GLI3: variants seen among roughly 807,000 people sequenced by gnomAD.
The protein encoded by GLI3 is GLI family zinc finger 3.
A neutral mutation model predicts 100.8 loss-of-function variants in GLI3; 20 were observed. That is an observed-to-expected ratio of 0.20 (90% CI 0.14 to 0.29). The LOEUF is 0.29. Among genes scored for constraint, GLI3 ranks in the 10% least tolerant of loss-of-function variants. The pLI, the probability that GLI3 is intolerant of heterozygous loss-of-function variation, is 1.00. For missense variants in GLI3, 2,040 were observed against 2,128.5 expected (o/e 0.96, Z 0.82); for synonymous variants, 938 against 860.5 (o/e 1.09, Z -1.58).
chr7:42,059,242 C>G (rs577221195), intron 4 of GLI3, among the ~76,000 whole-genome samples: 1 of 151,896 alleles, frequency 6.6e-6, no homozygotes, highest in Non-Finnish European at 1.5e-5. Context: ...ATTATTTTAG[C>G]AGACTTTTTT....
At chr7:42,173,704 G>C (rs1318990239) in intron 2 of GLI3, among the ~76,000 whole-genome samples, 2 of 152,090 alleles carry the variant, frequency 1.3e-5, no homozygotes, top group Non-Finnish European at 2.9e-5. Context: ...AGAACTCTTT[G>C]GGAACATGAT....
chr7:42,137,821 T>C (rs889291326), intron 3 of GLI3, among the ~76,000 whole-genome samples: 40 of 152,322 alleles, frequency 2.6e-4, no homozygotes, highest in Middle Eastern at 3.4e-3. Context: ...CATAAAATTG[T>C]TTTAAAATAC....
At chr7:42,034,606 C>T (rs1789385582) in intron 7 of GLI3, among the ~76,000 whole-genome samples, 1 of 152,128 alleles carries the variant, frequency 6.6e-6, no homozygotes, top group South Asian at 2.1e-4. Context: ...CAATGCCTTA[C>T]TCCTCCCACC....
At chr7:42,162,705 T>A (rs1184853266) in intron 2 of GLI3, among the ~76,000 whole-genome samples, 2 of 152,256 alleles carry the variant, frequency 1.3e-5, no homozygotes, top group Admixed American at 1.3e-4. Flanking sequence ...AATAAAAATC[T>A]TAGTATGGAC....
intron 2 of GLI3, among the ~76,000 whole-genome samples, chr7:42,179,562 T>C (rs1787549733): frequency 6.6e-6 from 1 of 152,130 alleles, no homozygotes; most frequent in Admixed American, 6.5e-5. Flanking sequence ...AACTGAGGGC[T>C]GTTGGTGCAA....
intron 3 of GLI3, among the ~76,000 whole-genome samples, chr7:42,133,934 T>C (rs1046790876): frequency 6.6e-6 from 1 of 151,756 alleles, no homozygotes; most frequent in Non-Finnish European, 1.5e-5. Flanking sequence ...ATACAAAAAT[T>C]AGCCGGCGTG....
At chr7:42,226,682 C>T (rs1788587883) in intron 1 of GLI3, among the ~76,000 whole-genome samples, 1 of 152,160 alleles carries the variant, frequency 6.6e-6, no homozygotes, top group Admixed American at 6.5e-5. Flanking sequence ...TGGAACTGGG[C>T]TATAAAGATG....
chr7:42,081,168 T>G (rs1423711670), intron 3 of GLI3, among the ~76,000 whole-genome samples: 1 of 152,094 alleles, frequency 6.6e-6, no homozygotes, highest in Admixed American at 6.5e-5. Flanking sequence ...GTCAGCAAAC[T>G]AACGGGCTAA....
intron 2 of GLI3, among the ~76,000 whole-genome samples, chr7:42,203,317 A>T (rs768497272): frequency 1.9e-4 from 29 of 152,312 alleles, no homozygotes; most frequent in Middle Eastern, 6.8e-3. Flanking sequence ...CATGCCGTAC[A>T]ATAGCTCTGT....
intron 4 of GLI3, among the ~76,000 whole-genome samples, chr7:42,072,241 C>T (rs751738212): frequency 6.6e-6 from 1 of 152,160 alleles, no homozygotes; most frequent in Non-Finnish European, 1.5e-5. Context: ...AAATGAATTG[C>T]AGATCTCAGT....
Position 41,965,344 on chromosome 7 carries a change from G to C in GLI3, c.3729C>G (p.Ala1243=), listed in dbSNP as rs761009663. Residue 1243 remains alanine, a synonymous_variant, in exon 15 of 15, where the codon GCC becomes GCG. Coordinates refer to ENST00000395925, the MANE Select transcript of GLI3 (RefSeq NM_000168.6). ...NSPGSGTSGN[A]FHEQPCKAPQ... ...GGGCCTTACAGGGCTGTTCATGGAA[G>C]GCGTTTCCACTGGTGCCACTTCCGG... 3 of 1,613,716 alleles carry C rather than the reference G, an allele frequency of 1.9e-6. No homozygotes were observed. The South Asian group carries it at 3.3e-5, about 18-fold the overall frequency.
chr7:42,242,208 T>C (rs534498558), upstream of GLI3, among the ~76,000 whole-genome samples: 21 of 152,340 alleles, frequency 1.4e-4, no homozygotes, highest in Non-Finnish European at 2.9e-4. Context: ...GCAAATGTCA[T>C]CTGCCAATGC....
intron 2 of GLI3, among the ~76,000 whole-genome samples, chr7:42,169,270 G>T (rs1376261511): frequency 6.6e-6 from 1 of 152,052 alleles, no homozygotes; most frequent in East Asian, 1.9e-4. Context: ...TCAAACATAT[G>T]CAATATATAA....
At position 41,978,580 on chromosome 7, in the gene GLI3, C is replaced by T; in HGVS notation, c.1647+19G>A. 2 of 1,612,422 alleles carry T rather than the reference C, an allele frequency of 1.2e-6. No homozygotes were observed. The highest frequency in any genetic ancestry group is 1.3e-5 in the African/African-American group (1 of 75,014). ...TGGGGAAGGACCCAAGTGTGCCTGC[C>T]ACCCACTTCTGTACTCACAGTGCAT... On this transcript the variant is annotated intron_variant, in intron 11 of 14. Transcript: ENST00000395925.
intron 4 of GLI3, among the ~76,000 whole-genome samples, chr7:42,063,308 T>C (rs775957659): frequency 7.2e-5 from 11 of 152,112 alleles, no homozygotes; most frequent in Admixed American, 2.0e-4. Flanking sequence ...CACAAATACA[T>C]ATGACATACT....
At chr7:42,052,511 C>T (rs1562704938) in intron 4 of GLI3, among the ~76,000 whole-genome samples, 1 of 152,180 alleles carries the variant, frequency 6.6e-6, no homozygotes, top group Non-Finnish European at 1.5e-5. Flanking sequence ...CTCACTCAAG[C>T]ATCAGTTTCC....
chr7:42,137,465 G>A (rs953633690), intron 3 of GLI3, among the ~76,000 whole-genome samples: 1 of 151,888 alleles, frequency 6.6e-6, no homozygotes, highest in Non-Finnish European at 1.5e-5. Context: ...ACTTTTTCAC[G>A]GCAAACCTTT....
intron 1 of GLI3, among the ~76,000 whole-genome samples, chr7:42,227,990 T>G (rs544933254): frequency 6.6e-6 from 1 of 152,204 alleles, no homozygotes; most frequent in Non-Finnish European, 1.5e-5. Flanking sequence ...CTTCAGGTTC[T>G]GGTTTCCTCC....
intron 2 of GLI3, among the ~76,000 whole-genome samples, chr7:42,154,421 A>G (rs1786953165): frequency 6.6e-6 from 1 of 152,194 alleles, no homozygotes; most frequent in South Asian, 2.1e-4. Flanking sequence ...CCTGTCCTGA[A>G]CAAGACACAG....
Sources: gnomAD v4.1 joint callset for allele counts (sites outside exome capture counted in the v4.1 genomes callset) on GRCh38, gnomAD v4.1.1 for gene constraint, MANE v1.5 for transcripts, NCBI Gene and HGNC (gene_info 2026-07-23, HGNC 2026-07-21) for gene names.